Variants in PSEN2 observed in about 807,000 individuals in gnomAD.
PSEN2 encodes presenilin-2.
A neutral mutation model predicts 49.1 loss-of-function variants in PSEN2; 32 were observed. That is an observed-to-expected ratio of 0.65 (90% CI 0.49 to 0.88). PSEN2 has a LOEUF of 0.88. Among genes scored for constraint, PSEN2 ranks in the 40% least tolerant of loss-of-function variants. The probability of loss-of-function intolerance (pLI) is 0.00; values close to 1 mark genes in which losing one functional copy is unlikely to be tolerated. For synonymous variants in PSEN2, 255 were observed against 244.0 expected, an observed-to-expected ratio of 1.05 and a Z score of -0.42; for missense variants, 522 against 586.9, an observed-to-expected ratio of 0.89 and a Z score of 1.14.
intron 2 of PSEN2, among the ~76,000 whole-genome samples, chr1:226,872,438 T>C (rs1035782924): frequency 2.6e-5 from 4 of 152,226 alleles, no homozygotes; most frequent in Admixed American, 6.5e-5. Context: ...GTTATGTGGC[T>C]TCAGTGCTTT....
At chr1:226,889,886 GT>G in intron 8 of PSEN2, 148 bp from the exon 9 acceptor site, 1 of 722,068 alleles carries the variant, frequency 1.4e-6, no homozygotes, top group Non-Finnish European at 2.5e-6. Flanking sequence ...CCTGCTCTAA[GT>G]TGTGACTGGA....
At chr1:226,897,467 G>C (rs920431824), downstream of PSEN2, 1 of 154,858 alleles carries the variant, frequency 6.5e-6, no homozygotes, top group African/African-American at 2.4e-5. Context: ...TTAAGACTGA[G>C]AAAACAAGGA....
chr1:226,899,260 G>A (rs1360601252), downstream of PSEN2: 3 of 152,118 alleles, frequency 2.0e-5, no homozygotes, highest in Admixed American at 2.0e-4. Flanking sequence ...CATCTGAAAT[G>A]TATTTTTATG....
At chr1:226,898,375 C>T (rs1281979095), downstream of PSEN2, 1 of 152,222 alleles carries the variant, frequency 6.6e-6, no homozygotes, top group Non-Finnish European at 1.5e-5. Flanking sequence ...GTGAGCATCC[C>T]ATCACATTGT....
At position 226,892,808 on chromosome 1, in the gene PSEN2, A is replaced by T. The variant is rs530979472; in HGVS notation, c.1072+964A>T. On this transcript the variant is annotated intron_variant, in intron 11 of 12. Coordinates refer to ENST00000366783, the MANE Select transcript of PSEN2 (RefSeq NM_000447.3). Reference sequence around the variant, plus strand: ...CAGCCACAAGCTCTAGAGGGTCTAGATGCCACTTGTGCTTCTGACCGGCTG... The same window carrying T: ...CAGCCACAAGCTCTAGAGGGTCTAGTTGCCACTTGTGCTTCTGACCGGCTG... 5.3e-5 allele frequency among the ~76,000 whole-genome samples: 8 copies of T among 152,294 alleles called. No individual in the cohort carries two copies. In the South Asian group the frequency reaches 1.5e-3, roughly 28 times the overall value.
rs749788589 is a variant in PSEN2, at chr1:226,890,142, G to GC, written c.886+15dup. On this transcript the variant is annotated intron_variant, in intron 9 of 12. Coordinates refer to ENST00000366783, the MANE Select transcript of PSEN2 (RefSeq NM_000447.3). ...TGCCCTGATATACTCATGTGAGTGA[G>GC]CCCCCCGTGCCTCTGCCTGACTCGG... The GC allele has an allele frequency of 4.4e-6, 7 of 1,603,978 alleles. No individual in the cohort carries two copies. Among genetic ancestry groups the GC allele is most frequent in the African/African-American group, 2.7e-5 (2 of 74,692 alleles).
chr1:226,892,457 C>T (rs1268664066), intron 11 of PSEN2, among the ~76,000 whole-genome samples: 1 of 152,180 alleles, frequency 6.6e-6, no homozygotes, highest in Admixed American at 6.5e-5. Flanking sequence ...TACACGGTGC[C>T]TGCCTAACAC....
At chr1:226,886,560 G>A (rs146203177) in intron 6 of PSEN2, among the ~76,000 whole-genome samples, 1 of 152,362 alleles carries the variant, frequency 6.6e-6, no homozygotes, top group African/African-American at 2.4e-5. Context: ...AACCCCTAAC[G>A]ATGGAAAGGA....
intron 3 of PSEN2, among the ~76,000 whole-genome samples, chr1:226,877,436 C>T (rs538285636): frequency 1.8e-4 from 28 of 152,362 alleles, no homozygotes; most frequent in African/African-American, 5.8e-4. Flanking sequence ...AAGGGCTCAG[C>T]AGGTGCTGGT....
At chr1:226,879,032 T>C (rs527859263) in intron 3 of PSEN2, among the ~76,000 whole-genome samples, 114 of 152,134 alleles carry the variant, frequency 7.5e-4, no homozygotes, top group Admixed American at 1.2e-3. Context: ...TTCAATTTCT[T>C]TTATTTATTT....
intron 12 of PSEN2, among the ~76,000 whole-genome samples, chr1:226,894,904 AT>A (rs1190063134): frequency 1.3e-5 from 2 of 152,142 alleles, no homozygotes; most frequent in Non-Finnish European, 2.9e-5. Context: ...GGCCCCAAAG[AT>A]ATAGAAGGCA....
intron 11 of PSEN2, among the ~76,000 whole-genome samples, 195 bp downstream of exon 11, chr1:226,892,039 A>G (rs1290773618): frequency 6.6e-6 from 1 of 152,194 alleles, no homozygotes; most frequent in African/African-American, 2.4e-5. Flanking sequence ...GTTGTCCGGC[A>G]TGTATTGAGT....
At position 226,887,906 on chromosome 1, in the gene PSEN2, A is replaced by AGG. The variant is rs1323712405; in HGVS notation, c.499-182_499-181dup. 3.9e-5 allele frequency among the ~76,000 whole-genome samples: 6 copies of AGG among 152,136 alleles called. No homozygotes were observed. In the East Asian group the frequency reaches 1.2e-3, roughly 29 times the overall value. On this transcript the variant is annotated intron_variant, in intron 6 of 12. Coordinates refer to ENST00000366783, the MANE Select transcript of PSEN2 (RefSeq NM_000447.3). ...TCTGCATGCGCTGCAGGATGACCTG[A>AGG]GGGGAACTCCTTGGACTTCTGTGCC...
chr1:226,873,256 T>C (rs995926769), intron 2 of PSEN2, among the ~76,000 whole-genome samples: 1 of 152,188 alleles, frequency 6.6e-6, no homozygotes, highest in Non-Finnish European at 1.5e-5. Flanking sequence ...TGAGAGCCTC[T>C]TCACTGAGTG....
intron 2 of PSEN2, among the ~76,000 whole-genome samples, chr1:226,872,646 AGT>A (rs1012538384): frequency 6.6e-6 from 1 of 152,128 alleles, no homozygotes; most frequent in African/African-American, 2.4e-5. Context: ...GGTCACATGC[AGT>A]GTGTCTAATG....
intron 4 of PSEN2, among the ~76,000 whole-genome samples, chr1:226,882,596 C>G (rs940498579): frequency 2.6e-5 from 4 of 152,326 alleles, no homozygotes; most frequent in Admixed American, 6.5e-5. Flanking sequence ...CCGATCAGGG[C>G]AGAACATCTG....
chr1:226,880,561 G>GCCTCTGGACAGCGATCACTCAA, intron 3 of PSEN2: 1 of 1,580,200 alleles, frequency 6.3e-7, no homozygotes, highest in Non-Finnish European at 8.5e-7. Context: ...CGATCACTCA[G>GCCTCTGGACAGCGATCACTCAA]CCTCTGGACA....
chr1:226,895,380 A>G, intron 12 of PSEN2, 44 bp from the exon 13 acceptor site: 1 of 1,612,022 alleles, frequency 6.2e-7, no homozygotes, highest in African/African-American at 1.3e-5. Flanking sequence ...GCTCCTGTCC[A>G]CACCAGGGAT....
chr1:226,903,008 T>G (rs1266169865), intron 12 of PSEN2, among the ~76,000 whole-genome samples: 1 of 152,200 alleles, frequency 6.6e-6, no homozygotes, highest in Non-Finnish European at 1.5e-5. Flanking sequence ...GAATTATTTG[T>G]ACTATTCCTG....
Sources: gnomAD v4.1 joint callset for allele counts (sites outside exome capture counted in the v4.1 genomes callset) on GRCh38, gnomAD v4.1.1 for gene constraint, MANE v1.5 for transcripts, NCBI Gene and HGNC (gene_info 2026-07-23, HGNC 2026-07-21) for gene names.